The following PCDH9 variants were observed in gnomAD, a reference collection of about 807,000 sequenced individuals.
PCDH9 encodes protocadherin-9.
A neutral mutation model predicts 70.6 loss-of-function variants in PCDH9; 24 were observed. The ratio of observed to expected loss-of-function variants is 0.34; its 90% CI spans 0.25 to 0.48. The LOEUF (loss-of-function observed/expected upper bound fraction) is 0.48, where lower values mean the gene tolerates loss of function less well. Among genes scored for constraint, PCDH9 ranks in the 20% least tolerant of loss-of-function variants. The pLI is 0.99. For missense variants in PCDH9, 1,281 were observed against 1,503.6 expected, an observed-to-expected ratio of 0.85 and a Z score of 2.45; for synonymous variants, 562 against 558.5, an observed-to-expected ratio of 1.01 and a Z score of -0.09.
intron 4 of PCDH9, among the ~76,000 whole-genome samples, chr13:66,494,287 A>C (rs1959080423): frequency 6.6e-6 from 1 of 152,116 alleles, no homozygotes; most frequent in African/African-American, 2.4e-5. Flanking sequence ...AGATTTCAGG[A>C]CATGATATTT....
At chr13:66,351,789 A>T (rs1013054482) in intron 4 of PCDH9, among the ~76,000 whole-genome samples, 1 of 152,020 alleles carries the variant, frequency 6.6e-6, no homozygotes, top group Non-Finnish European at 1.5e-5. Context: ...ATAACAATAT[A>T]AAAAAATAAA....
intron 3 of PCDH9, among the ~76,000 whole-genome samples, chr13:66,843,260 A>G (rs992167223): frequency 6.6e-6 from 1 of 152,170 alleles, no homozygotes; most frequent in African/African-American, 2.4e-5. Flanking sequence ...AAACCTCCCA[A>G]CATCACCAAC....
At chr13:67,034,672 CTT>C (rs35194684) in intron 2 of PCDH9, among the ~76,000 whole-genome samples, 9 of 143,794 alleles carry the variant, frequency 6.3e-5, no homozygotes, top group African/African-American at 5.1e-5. Flanking sequence ...CCATTTCTTT[CTT>C]TTTTTTTTTT....
chr13:66,834,236 C>A (rs1189003169), intron 3 of PCDH9, among the ~76,000 whole-genome samples: 1 of 147,806 alleles, frequency 6.8e-6, no homozygotes, highest in Non-Finnish European at 1.5e-5. Flanking sequence ...TGGCTCACTG[C>A]AAACTCCGTC....
chr13:66,561,807 G>T (rs188411088), intron 4 of PCDH9, among the ~76,000 whole-genome samples: 363 of 152,182 alleles, frequency 2.4e-3, no homozygotes, highest in African/African-American at 8.4e-3. Flanking sequence ...AGCAGGATGT[G>T]GGTGGGGCCA....
chr13:67,049,521 C>T (rs894236700), intron 2 of PCDH9, among the ~76,000 whole-genome samples: 1 of 152,120 alleles, frequency 6.6e-6, no homozygotes, highest in Non-Finnish European at 1.5e-5. Context: ...GTTGGTGGAG[C>T]ATAAGCCCAA....
chr13:67,070,310 AAG>A (rs1277506771), intron 2 of PCDH9, among the ~76,000 whole-genome samples: 1 of 152,096 alleles, frequency 6.6e-6, no homozygotes, highest in Non-Finnish European at 1.5e-5. Flanking sequence ...TGTAAAGAAA[AAG>A]AGAGTCTCAT....
At chr13:67,199,230 C>G (rs1224628389) in intron 2 of PCDH9, among the ~76,000 whole-genome samples, 4 of 151,208 alleles carry the variant, frequency 2.6e-5, no homozygotes, top group Non-Finnish European at 5.9e-5. Flanking sequence ...TGAACATATA[C>G]CATATACAAC....
chr13:66,937,192 A>T (rs1044225515), intron 2 of PCDH9, among the ~76,000 whole-genome samples: 1 of 152,210 alleles, frequency 6.6e-6, no homozygotes, highest in Non-Finnish European at 1.5e-5. Flanking sequence ...TACATGCATT[A>T]TCCTATTTGG....
At chr13:66,878,148 A>C (rs2081852349) in intron 3 of PCDH9, among the ~76,000 whole-genome samples, 1 of 152,158 alleles carries the variant, frequency 6.6e-6, no homozygotes, top group African/African-American at 2.4e-5. Flanking sequence ...AGATGAGTAA[A>C]GGCAATCCAA....
intron 3 of PCDH9, among the ~76,000 whole-genome samples, chr13:66,679,650 TGTTACA>T (rs1486991714): frequency 3.3e-5 from 5 of 151,994 alleles, no homozygotes; most frequent in African/African-American, 9.6e-5. Context: ...GCAATGTTAA[TGTTACA>T]GTAATTTAAT....
chr13:66,951,189 C>CT lies in PCDH9; in HGVS notation c.3037-47585dup, dbSNP rs929836474. Among the ~76,000 whole-genome samples the CT allele has an allele frequency of 2.6e-5, 4 of 151,824 alleles. No homozygotes were observed. The East Asian group carries it at 5.8e-4, about 22-fold the overall frequency. On this transcript the variant is annotated intron_variant, in intron 2 of 4. Transcript: ENST00000377865. The stretch of plus-strand genomic sequence containing the variant: ...GGTTTAAGTACACATTTATTTCTCT[C>CT]TTTTTTTTCACTTTTCAGTGCACAA...
chr13:66,319,620 TA>T, intron 4 of PCDH9, among the ~76,000 whole-genome samples: 1 of 151,808 alleles, frequency 6.6e-6, no homozygotes, highest in Non-Finnish European at 1.5e-5. Flanking sequence ...GACAAGGACC[TA>T]AAAAAGTAGG....
chr13:66,902,824 A>C (rs1036929819), intron 3 of PCDH9, among the ~76,000 whole-genome samples: 2 of 151,812 alleles, frequency 1.3e-5, no homozygotes, highest in African/African-American at 4.8e-5. Context: ...CTTAAAAAAA[A>C]ATACATGAAA....
intron 3 of PCDH9, among the ~76,000 whole-genome samples, chr13:66,678,588 A>T (rs1478494574): frequency 6.6e-6 from 1 of 152,034 alleles, no homozygotes; most frequent in African/African-American, 2.4e-5. Flanking sequence ...AATGGTTGAT[A>T]CTTATGTAAT....
At chr13:66,951,224 AC>A (rs1486954583) in intron 2 of PCDH9, among the ~76,000 whole-genome samples, 1 of 152,134 alleles carries the variant, frequency 6.6e-6, no homozygotes, top group Admixed American at 6.6e-5. Flanking sequence ...AGAAATATAT[AC>A]CTTTTTTTGT....
chr13:66,981,129 A>T (rs2083755343), intron 2 of PCDH9, among the ~76,000 whole-genome samples: 1 of 152,208 alleles, frequency 6.6e-6, no homozygotes, highest in Non-Finnish European at 1.5e-5. Flanking sequence ...ATAATAAAAT[A>T]AGACTAAGCA....
intron 4 of PCDH9, among the ~76,000 whole-genome samples, chr13:66,513,150 G>A (rs1217396698): frequency 1.3e-5 from 2 of 148,970 alleles, no homozygotes; most frequent in Non-Finnish European, 3.0e-5. Context: ...TATATATTAT[G>A]TAAACAGACT....
chr13:66,399,479 G>A (rs538264809), intron 4 of PCDH9, among the ~76,000 whole-genome samples: 2 of 152,294 alleles, frequency 1.3e-5, no homozygotes, highest in South Asian at 4.1e-4. Context: ...ACTGGGAAAA[G>A]AAGTTTTGTA....
Sources: allele counts gnomAD v4.1 joint callset (sites outside exome capture counted in the v4.1 genomes callset), GRCh38; gene constraint gnomAD v4.1.1; transcripts MANE v1.5; gene names NCBI Gene and HGNC (gene_info 2026-07-23, HGNC 2026-07-21).